The following USP36 variants were observed in gnomAD, a reference collection of about 807,000 sequenced individuals.
USP36 encodes ubiquitin carboxyl-terminal hydrolase 36.
A neutral mutation model predicts 111.5 loss-of-function variants in USP36; 59 were observed. The observed-to-expected ratio is 0.53, with a 90% CI of 0.43 to 0.66. USP36 has a LOEUF of 0.66. Among genes scored for constraint, USP36 ranks in the 30% least tolerant of loss-of-function variants. USP36 has a pLI of 0.00. For synonymous variants in USP36, 628 were observed against 581.0 expected (o/e 1.08, Z -1.16); for missense variants, 1,488 against 1,468.0 (o/e 1.01, Z -0.22).
At chr17:78,820,560 G>A (rs1393327052) in intron 8 of USP36, among the ~76,000 whole-genome samples, 1 of 152,204 alleles carries the variant, frequency 6.6e-6, no homozygotes, top group East Asian at 1.9e-4. Flanking sequence ...AGCTGGACCT[G>A]CTCTGGAGCT....
At position 78,835,366 on chromosome 17, in the gene USP36, G is replaced by C. The variant is rs148192093; in HGVS notation, c.389C>G (p.Thr130Ser). 6.1e-4 allele frequency: 982 copies of C among 1,614,262 alleles called. 7 individuals are homozygous for C. In the African/African-American group the frequency reaches 0.011, roughly 18 times the overall value. Residue 130 changes from threonine to serine, a missense_variant, in exon 4 of 21, where the codon ACC becomes AGC. Physicochemically the swap from Thr to Ser is moderately conservative, Grantham distance 58. Transcript: ENST00000449938. ...VGAGLHNLGN[T>S]CFLNATIQCL... ...CTGGATGGTGGCATTGAGAAAGCAGGTGTTGCCAAGGTTGTGGAGTCCTGC... is the reference window on the plus strand; with the variant it reads ...CTGGATGGTGGCATTGAGAAAGCAGCTGTTGCCAAGGTTGTGGAGTCCTGC...
chr17:78,814,597 A>G (rs1310189395), intron 10 of USP36, 45 bp from the exon 11 acceptor site: 1 of 1,595,690 alleles, frequency 6.3e-7, no homozygotes, highest in Admixed American at 1.7e-5. Flanking sequence ...TCACTTTGAG[A>G]GTAAAGATCA....
chr17:78,838,427 AT>A (rs1273929356), intron 2 of USP36, among the ~76,000 whole-genome samples, 159 bp downstream of exon 2: 1 of 151,906 alleles, frequency 6.6e-6, no homozygotes, highest in African/African-American at 2.4e-5. Flanking sequence ...TCAGAAGCTT[AT>A]TTAAAAAAAA....
intron 4 of USP36, among the ~76,000 whole-genome samples, chr17:78,831,819 T>C (rs926466280): frequency 9.2e-5 from 14 of 151,570 alleles, no homozygotes; most frequent in African/African-American, 3.4e-4. Flanking sequence ...CATGGTGCTA[T>C]GAGTCTATAG....
Position 78,803,442 on chromosome 17 carries a change from T to C in USP36, c.2753A>G (p.Lys918Arg). 3.1e-6 allele frequency: 5 copies of C among 1,614,098 alleles called. No individual in the cohort carries two copies. The highest frequency in any genetic ancestry group is 4.2e-6 in the Non-Finnish European group (5 of 1,180,024). Residue 918 changes from lysine to arginine, a missense_variant, in exon 16 of 21, where the codon AAA (lysine) becomes AGA (arginine). Lys to Arg is a conservative substitution (Grantham distance 26, BLOSUM62 2). Around this residue, in one of 3 missense-constraint regions of USP36, gnomAD observed 1,073 missense variants for 994.1 expected, o/e 1.08. Coordinates refer to ENST00000449938, the MANE Select transcript of USP36 (RefSeq NM_001385174.1). The surrounding 1 kb of genome is among the most constrained non-coding windows in gnomAD (Gnocchi z 4.6). ...TTCTTCACCAAGACCTTCTGCTCCT[T>C]TCCTCCTCCGCTTCCTGCTGCTCGC... Reference protein sequence around the residue: ...HHASSRKRRRKGAEGLGEEGG... With the variant: ...HHASSRKRRRRGAEGLGEEGG...
At chr17:78,812,651 C>T (rs888489962) in intron 13 of USP36, among the ~76,000 whole-genome samples, 1 of 145,120 alleles carries the variant, frequency 6.9e-6, no homozygotes, top group Non-Finnish European at 1.5e-5. Flanking sequence ...GATTGGAGAT[C>T]GCACCACTGC....
chr17:78,836,396 G>C (rs748819593), intron 2 of USP36, 24 bp from the exon 3 acceptor site: 3 of 1,607,400 alleles, frequency 1.9e-6, no homozygotes, highest in Non-Finnish European at 2.6e-6. Flanking sequence ...AAGAAACATA[G>C]AGCCATAGAT....
intron 17 of USP36, among the ~76,000 whole-genome samples, chr17:78,800,937 G>A (rs2093725703): frequency 6.6e-6 from 1 of 151,466 alleles, no homozygotes; most frequent in African/African-American, 2.4e-5. Context: ...AGGGTGGCAC[G>A]GAGCACAGCT....
At position 78,807,229 on chromosome 17, in the gene USP36, G is replaced by A. The variant is rs751898095; in HGVS notation, c.1815C>T (p.Leu605=). ...GLKGNDESAG[L]DRRGSSSSSP... ...TGGAGCTGCTGGAGCCCCTCCTGTCGAGGCCAGCGCTCTCGTCGTTCCCCT... is the reference window on the plus strand; with the variant it reads ...TGGAGCTGCTGGAGCCCCTCCTGTCAAGGCCAGCGCTCTCGTCGTTCCCCT... The change falls in exon 14 of 21, where the codon CTC becomes CTT. Residue 605 remains leucine, a synonymous_variant. Transcript: ENST00000449938. 6.8e-6 allele frequency: 11 copies of A among 1,613,936 alleles called. No individual in the cohort carries two copies. Among genetic ancestry groups the A allele is most frequent in the Middle Eastern group, 1.6e-4 (1 of 6,080 alleles).
chr17:78,799,017 G>C lies in USP36; in HGVS notation c.3131C>G (p.Thr1044Ser), dbSNP rs756818211. The change falls in exon 19 of 21, where the codon ACC (threonine) becomes AGC (serine). Residue 1044 changes from threonine (T) to serine (S), a missense_variant. Physicochemically the swap from Thr to Ser is moderately conservative, Grantham distance 58. Transcript: ENST00000449938. ...SDKAYGRKVL[T>S]WDGKMSAVSQ... ...GACCGCCGACATCTTGCCATCCCAG[G>C]TCAGAACTACCAGGCAGACACGGGG... 7 of 1,613,934 alleles carry C rather than the reference G, an allele frequency of 4.3e-6. No homozygotes were observed. The highest frequency in any genetic ancestry group is 5.9e-6 in the Non-Finnish European group (7 of 1,180,024).
At chr17:78,814,745 T>C (rs1461080934) in intron 10 of USP36, among the ~76,000 whole-genome samples, 193 bp from the exon 11 acceptor site, 2 of 146,466 alleles carry the variant, frequency 1.4e-5, no homozygotes, top group Non-Finnish European at 3.0e-5. Flanking sequence ...CTCGAGGAGT[T>C]CGAGATCAGC....
chr17:78,807,170 T>C lies in USP36; in HGVS notation c.1874A>G (p.Lys625Arg), dbSNP rs1361730457. The change falls in exon 14 of 21, where the codon AAG becomes AGG. Residue 625 changes from lysine to arginine, a missense_variant. By Grantham distance (26) the Lys-to-Arg change is conservative. Around this residue, in one of 3 missense-constraint regions of USP36, gnomAD observed 1,073 missense variants for 994.1 expected, o/e 1.08. Transcript: ENST00000449938. ...TCCACTCCTGGGGGTCTGGGGGGCC[T>C]TGGTGGAGTCGCTGCTGGCCGAGTG... ...PEHSASSDST[K>R]APQTPRSGAA... is the part of the protein sequence containing the mutation. 3.1e-6 allele frequency: 5 copies of C among 1,614,076 alleles called. No homozygotes were observed. Among genetic ancestry groups the C allele is most frequent in the East Asian group, 4.5e-5 (2 of 44,890 alleles).
chr17:78,822,963 G>A lies in USP36; in HGVS notation c.690-959C>T, dbSNP rs114693790. The A allele has an allele frequency of 1.8e-3, 701 of 395,192 alleles. 1 individual carries two copies. The highest frequency in any genetic ancestry group is 0.011 in the African/African-American group (547 of 48,592). 24.5% of individuals were successfully genotyped at this position (395,192 alleles called of 1,614,324 possible). ...GCCCCGTCTCCCCAGCTGCTTCCCC[G>A]ACTCCTCACTGGCACAAAGCGGGGC... On this transcript the variant is annotated intron_variant, in intron 6 of 20. Transcript: ENST00000449938.
intron 6 of USP36, 117 bp from the exon 7 acceptor site, chr17:78,822,121 C>G: frequency 8.7e-7 from 1 of 1,145,158 alleles, no homozygotes; most frequent in South Asian, 1.3e-5. Context: ...CTGGGAAACT[C>G]CACCCCCCAC....
chr17:78,813,390 G>A (rs2094113695), intron 12 of USP36, among the ~76,000 whole-genome samples: 3 of 152,144 alleles, frequency 2.0e-5, no homozygotes, highest in Non-Finnish European at 4.4e-5. Flanking sequence ...CCCCTCCAGA[G>A]AAGCTCTGCA....
intron 1 of USP36, among the ~76,000 whole-genome samples, chr17:78,839,502 A>G (rs2069038611): frequency 6.6e-6 from 1 of 152,172 alleles, no homozygotes; most frequent in South Asian, 2.1e-4. Flanking sequence ...TTCGGTTAGG[A>G]CTCACATCTA....
chr17:78,792,719 T>G (rs1486443340), downstream of USP36, among the ~76,000 whole-genome samples: 1 of 151,796 alleles, frequency 6.6e-6, no homozygotes, highest in Non-Finnish European at 1.5e-5. Flanking sequence ...GAAGGTTTTT[T>G]TTGTTGTCGT....
rs777422484 is a variant in USP36 at position 78,807,303 on chromosome 17, T to G, written c.1741A>C (p.Thr581Pro). Reference sequence around the variant, plus strand: ...GCTGTAGCCAGGAGCTTAGGTGAGGTAGAGAGGACAACATCCCTGCTGTCC... The same window carrying G: ...GCTGTAGCCAGGAGCTTAGGTGAGGGAGAGAGGACAACATCCCTGCTGTCC... ...SWDSRDVVLSTSPKLLATATA... is the reference protein window; with the variant it reads ...SWDSRDVVLSPSPKLLATATA... The change falls in exon 14 of 21, where the codon ACC becomes CCC. Residue 581 changes from threonine (T) to proline (P), a missense_variant. Thr to Pro is a conservative substitution (Grantham distance 38). Around this residue, in one of 3 missense-constraint regions of USP36, gnomAD observed 1,073 missense variants for 994.1 expected, o/e 1.08. Coordinates refer to ENST00000449938, the MANE Select transcript of USP36 (RefSeq NM_001385174.1). 2.5e-6 allele frequency: 4 copies of G among 1,614,022 alleles called. No individual in the cohort carries two copies. In the South Asian group the frequency reaches 3.3e-5, roughly 13 times the overall value.
chr17:78,818,880 A>G (rs780293629), intron 9 of USP36, 102 bp from the exon 10 acceptor site: 8 of 1,177,524 alleles, frequency 6.8e-6, no homozygotes, highest in Non-Finnish European at 9.9e-6. Flanking sequence ...GCTCTGTAAT[A>G]GTGGAATCTT....
Sources: allele counts gnomAD v4.1 joint callset (sites outside exome capture counted in the v4.1 genomes callset), GRCh38; gene constraint gnomAD v4.1.1; regional missense constraint gnomAD v4.1.1; non-coding constraint Gnocchi (gnomAD v3.1); transcripts MANE v1.5; gene names NCBI Gene and HGNC (gene_info 2026-07-23, HGNC 2026-07-21).